The following PAK5 variants were observed in gnomAD, a reference collection of about 807,000 sequenced individuals.
PAK5 encodes the protein serine/threonine-protein kinase PAK 5.
A neutral mutation model predicts 65.9 loss-of-function variants in PAK5; 16 were observed. The observed-to-expected ratio is 0.24, with a 90% CI of 0.16 to 0.37. The LOEUF is 0.37. PAK5 is among the 10% of genes least tolerant of loss of function. The pLI, the probability that PAK5 is intolerant of heterozygous loss-of-function variation, is 1.00. For missense variants in PAK5, 785 were observed against 903.9 expected (o/e 0.87, Z 1.69); for synonymous variants, 371 against 354.9 (o/e 1.05, Z -0.51).
chr20:9,549,496 T>C (rs894012895), intron 7 of PAK5, among the ~76,000 whole-genome samples: 8 of 152,126 alleles, frequency 5.3e-5, no homozygotes, highest in African/African-American at 1.4e-4. Context: ...CCTAAGGACT[T>C]AAAGCAGTGG....
At chr20:9,740,224 G>C (rs558147760) in intron 1 of PAK5, among the ~76,000 whole-genome samples, 1 of 152,084 alleles carries the variant, frequency 6.6e-6, no homozygotes, top group Admixed American at 6.6e-5. Flanking sequence ...CAAGGTGCTC[G>C]CACAACCGAA....
chr20:9,826,273 C>T lies in PAK5; in HGVS notation c.-162+12489G>A, dbSNP rs376972979. On this transcript the variant is annotated intron_variant, in intron 1 of 9. Coordinates refer to ENST00000353224, the MANE Select transcript of PAK5 (RefSeq NM_177990.4). ...ATCTATACCACAAAATTAGACACTG[C>T]TCTAAATTGACATAGTCAAATATTT... Among the ~76,000 whole-genome samples, 32 of 152,174 alleles carry T rather than the reference C, an allele frequency of 2.1e-4. No individual in the cohort carries two copies. The South Asian group carries it at 6.6e-3, about 32-fold the overall frequency.
intron 2 of PAK5, among the ~76,000 whole-genome samples, chr20:9,703,372 T>C (rs2047964032): frequency 6.6e-6 from 1 of 152,106 alleles, no homozygotes; most frequent in Non-Finnish European, 1.5e-5. Context: ...CTGAATGCAG[T>C]TGGGAATTCC....
intron 1 of PAK5, among the ~76,000 whole-genome samples, chr20:9,742,726 G>T (rs896926608): frequency 2.0e-5 from 3 of 152,074 alleles, no homozygotes; most frequent in African/African-American, 4.8e-5. Flanking sequence ...AAATGGTAAG[G>T]CCTCAAAAGT....
chr20:9,593,256 A>T (rs1040341585), intron 3 of PAK5, among the ~76,000 whole-genome samples: 1 of 151,984 alleles, frequency 6.6e-6, no homozygotes, highest in Non-Finnish European at 1.5e-5. Flanking sequence ...GTCAGGTATA[A>T]TCATACCACT....
At chr20:9,654,350 C>T (rs2047239548) in intron 2 of PAK5, among the ~76,000 whole-genome samples, 1 of 152,104 alleles carries the variant, frequency 6.6e-6, no homozygotes, top group Non-Finnish European at 1.5e-5. Flanking sequence ...TATATTGGAC[C>T]AGCCTGGATA....
chr20:9,734,275 T>C (rs1011977072), intron 1 of PAK5, among the ~76,000 whole-genome samples: 8 of 152,158 alleles, frequency 5.3e-5, no homozygotes, highest in Admixed American at 2.6e-4. Flanking sequence ...TGTCAGTATA[T>C]GCAAAAGCAG....
At chr20:9,633,433 A>G (rs1321483105) in intron 3 of PAK5, among the ~76,000 whole-genome samples, 1 of 152,214 alleles carries the variant, frequency 6.6e-6, no homozygotes, top group Non-Finnish European at 1.5e-5. Context: ...GTGAATTTGC[A>G]CTAATCAATC....
At chr20:9,748,943 T>C (rs1456387204) in intron 1 of PAK5, among the ~76,000 whole-genome samples, 1 of 152,152 alleles carries the variant, frequency 6.6e-6, no homozygotes, top group African/African-American at 2.4e-5. Context: ...CTCAGAAGTT[T>C]CTCTCGTGCC....
intron 1 of PAK5, among the ~76,000 whole-genome samples, chr20:9,763,622 A>T (rs946841736): frequency 6.6e-6 from 1 of 152,192 alleles, no homozygotes; most frequent in Non-Finnish European, 1.5e-5. Flanking sequence ...GGTCCCAATA[A>T]GACTGATGTT....
At chr20:9,673,284 T>G (rs1412314007) in intron 2 of PAK5, among the ~76,000 whole-genome samples, 1 of 152,088 alleles carries the variant, frequency 6.6e-6, no homozygotes, top group Non-Finnish European at 1.5e-5. Context: ...AAAAAAGAAT[T>G]AAAAAAGAAA....
intron 1 of PAK5, among the ~76,000 whole-genome samples, chr20:9,796,338 T>C (rs2049104097): frequency 6.6e-6 from 1 of 151,808 alleles, no homozygotes; most frequent in Admixed American, 6.6e-5. Flanking sequence ...ATTTGGGAAC[T>C]AAAAGATGAA....
chr20:9,792,909 C>G (rs1406620980), intron 1 of PAK5, among the ~76,000 whole-genome samples: 1 of 152,052 alleles, frequency 6.6e-6, no homozygotes, highest in South Asian at 2.1e-4. Context: ...AGCGAACAGG[C>G]AGGCAGACAG....
intron 1 of PAK5, among the ~76,000 whole-genome samples, chr20:9,787,396 A>G (rs1184012370): frequency 6.6e-6 from 1 of 152,110 alleles, no homozygotes; most frequent in East Asian, 1.9e-4. Context: ...AGATTTCCAC[A>G]TGGTTCTCTT....
chr20:9,673,051 T>C (rs942627790), intron 2 of PAK5, among the ~76,000 whole-genome samples: 1 of 152,170 alleles, frequency 6.6e-6, no homozygotes, highest in Non-Finnish European at 1.5e-5. Context: ...ATTGCCCATA[T>C]GAAAGGAAAA....
chr20:9,670,686 T>G (rs2047484213), intron 2 of PAK5, among the ~76,000 whole-genome samples: 1 of 152,190 alleles, frequency 6.6e-6, no homozygotes, highest in African/African-American at 2.4e-5. Flanking sequence ...CTTTGTCAGA[T>G]GAGTAGGTTG....
chr20:9,653,552 A>G (rs921136637), intron 2 of PAK5, among the ~76,000 whole-genome samples: 2 of 152,200 alleles, frequency 1.3e-5, no homozygotes, highest in Non-Finnish European at 2.9e-5. Context: ...TGTGGAAGCC[A>G]GTTCTGAGAG....
At chr20:9,829,128 T>G (rs1448721780) in intron 1 of PAK5, among the ~76,000 whole-genome samples, 1 of 152,226 alleles carries the variant, frequency 6.6e-6, no homozygotes, top group African/African-American at 2.4e-5. Context: ...TAAATGTGCT[T>G]CTTATACAAA....
intron 1 of PAK5, among the ~76,000 whole-genome samples, chr20:9,766,744 C>T (rs1395348912): frequency 1.3e-5 from 2 of 151,428 alleles, no homozygotes; most frequent in African/African-American, 4.9e-5. Flanking sequence ...TAAAATCATG[C>T]AACTAATTAC....
Sources: gnomAD v4.1 joint callset for allele counts (sites outside exome capture counted in the v4.1 genomes callset) on GRCh38, gnomAD v4.1.1 for gene constraint, MANE v1.5 for transcripts, NCBI Gene and HGNC (gene_info 2026-07-23, HGNC 2026-07-21) for gene names.